The following PAM variants were observed in gnomAD, a reference collection of about 807,000 sequenced individuals.
PAM encodes peptidyl-glycine alpha-amidating monooxygenase.
PAM carries 72 observed loss-of-function variants against 122.1 expected under a neutral mutation model. That is an observed-to-expected ratio of 0.59 (90% CI 0.49 to 0.72). The LOEUF (loss-of-function observed/expected upper bound fraction) is 0.72, where lower values mean the gene tolerates loss of function less well. Ranked by LOEUF, PAM falls within the 30% of genes least tolerant of loss-of-function variation. The probability of loss-of-function intolerance (pLI) is 0.00; values close to 1 mark genes in which losing one functional copy is unlikely to be tolerated. For missense variants in PAM, 1,106 were observed against 1,183.7 expected, an observed-to-expected ratio of 0.93 and a Z score of 0.96; for synonymous variants, 389 against 404.4, an observed-to-expected ratio of 0.96 and a Z score of 0.46.
At chr5:102,943,102 G>GA (rs1755835031) in intron 7 of PAM, among the ~76,000 whole-genome samples, 3 of 152,154 alleles carry the variant, frequency 2.0e-5, no homozygotes, top group Non-Finnish European at 4.4e-5. Context: ...CAATTAGTGG[G>GA]ACGTAGTTTA....
Position 102,867,400 on chromosome 5 carries a change from G to A in PAM, c.210+7G>A. On this transcript the variant is annotated splice_region_variant and intron_variant, in intron 3 of 25. Coordinates refer to ENST00000438793, the MANE Select transcript of PAM (RefSeq NM_001177306.2). ...TGGGGTTACACCTAAACAGGTGAGAGGAATTTTGTCTTTCATTATTCACTT... is the reference window on the plus strand; with the variant it reads ...TGGGGTTACACCTAAACAGGTGAGAAGAATTTTGTCTTTCATTATTCACTT... The A allele has an allele frequency of 6.2e-7, 1 of 1,601,638 alleles. No homozygotes were observed. Among genetic ancestry groups the A allele is most frequent in the Non-Finnish European group, 8.5e-7 (1 of 1,170,932 alleles).
At chr5:102,903,806 T>C (rs962360871) in intron 4 of PAM, among the ~76,000 whole-genome samples, 1 of 151,542 alleles carries the variant, frequency 6.6e-6, no homozygotes, top group African/African-American at 2.4e-5. Flanking sequence ...TGAGCAAAGT[T>C]ATCAAGTGCA....
intron 25 of PAM, 59 bp downstream of exon 25, chr5:103,028,297 C>T: frequency 8.4e-7 from 1 of 1,192,448 alleles, no homozygotes; most frequent in Non-Finnish European, 1.2e-6. Flanking sequence ...AAGCACATGT[C>T]TTTTAAAAAG....
chr5:102,873,920 G>A (rs1436069642), intron 3 of PAM: 1 of 152,044 alleles, frequency 6.6e-6, no homozygotes, highest in African/African-American at 2.4e-5. Context: ...CCTATTGAAG[G>A]AGGCATATTG....
chr5:102,884,656 C>T (rs1048446079), intron 3 of PAM, among the ~76,000 whole-genome samples: 1 of 151,806 alleles, frequency 6.6e-6, no homozygotes, highest in Admixed American at 6.6e-5. Context: ...TTTCAATAAC[C>T]CTCTTCAAGA....
chr5:102,765,487 C>T (rs993106779), intron 1 of PAM, among the ~76,000 whole-genome samples: 2 of 152,142 alleles, frequency 1.3e-5, no homozygotes, highest in Admixed American at 6.5e-5. Context: ...AGTGTAGAGT[C>T]ATGTAAGTGT....
intron 4 of PAM, among the ~76,000 whole-genome samples, 186 bp from the exon 5 acceptor site, chr5:102,913,748 T>C (rs1184009445): frequency 2.0e-5 from 3 of 152,046 alleles, no homozygotes; most frequent in African/African-American, 7.2e-5. Flanking sequence ...CTTTTTACTC[T>C]TAATCAAATT....
intron 3 of PAM, among the ~76,000 whole-genome samples, chr5:102,899,734 G>A (rs771523451): frequency 1.3e-5 from 2 of 151,656 alleles, no homozygotes; most frequent in African/African-American, 4.8e-5. Context: ...ATTTTATTCA[G>A]TAGTTACTAT....
At chr5:102,769,533 G>A (rs1361135483) in intron 1 of PAM, among the ~76,000 whole-genome samples, 2 of 152,054 alleles carry the variant, frequency 1.3e-5, no homozygotes, top group Admixed American at 6.6e-5. Context: ...TTTTGTATAT[G>A]GTAAGAGATA....
At chr5:102,960,518 T>C (rs1004277240) in intron 13 of PAM, among the ~76,000 whole-genome samples, 1 of 152,008 alleles carries the variant, frequency 6.6e-6, no homozygotes, top group Non-Finnish European at 1.5e-5. Context: ...AATTATTGAT[T>C]TGTGAAGCAT....
intron 1 of PAM, among the ~76,000 whole-genome samples, chr5:102,764,061 T>C (rs1753177351): frequency 6.6e-6 from 1 of 152,050 alleles, no homozygotes; most frequent in African/African-American, 2.4e-5. Flanking sequence ...AGATCGAAAG[T>C]GTTTTGGGGG....
chr5:103,015,352 T>C (rs372346335), intron 21 of PAM, among the ~76,000 whole-genome samples: 15 of 152,136 alleles, frequency 9.9e-5, no homozygotes, highest in African/African-American at 3.6e-4. Flanking sequence ...TAAAATAAAA[T>C]ACAAGATTTT....
intron 18 of PAM, among the ~76,000 whole-genome samples, chr5:103,005,481 G>T (rs1048672777): frequency 2.6e-5 from 4 of 152,176 alleles, no homozygotes; most frequent in Non-Finnish European, 4.4e-5. Context: ...TGCCAGCATG[G>T]TTGAGTTCTA....
intron 1 of PAM, among the ~76,000 whole-genome samples, chr5:102,830,908 T>C (rs1453700907): frequency 6.6e-6 from 1 of 152,338 alleles, no homozygotes; most frequent in East Asian, 1.9e-4. Flanking sequence ...TTGTTTTGTT[T>C]TGTTTTTGGT....
intron 3 of PAM, among the ~76,000 whole-genome samples, chr5:102,892,602 C>G (rs1339583262): frequency 1.3e-5 from 2 of 151,838 alleles, no homozygotes; most frequent in Non-Finnish European, 2.9e-5. Context: ...TAAACACTTT[C>G]ATAGCCATAA....
At chr5:102,782,554 A>G (rs1342390448) in intron 1 of PAM, among the ~76,000 whole-genome samples, 1 of 152,198 alleles carries the variant, frequency 6.6e-6, no homozygotes, top group Non-Finnish European at 1.5e-5. Flanking sequence ...AGTACATGCA[A>G]ATCTTTCAAA....
chr5:103,008,105 GATAA>G lies in PAM; in HGVS notation c.2215+453_2215+456del, dbSNP rs200169905. The stretch of plus-strand genomic sequence containing the variant: ...AGTGTGGCTTATGCCTAAATACCAG[GATAA>G]ATAATCAATAAAATCTTGAACTTTT... On this transcript the variant is annotated intron_variant, in intron 20 of 25. Transcript: ENST00000438793. Among the ~76,000 whole-genome samples the G allele has an allele frequency of 5.9e-3, 902 of 151,812 alleles. 8 individuals are homozygous for G. The highest frequency in any genetic ancestry group is 0.021 in the African/African-American group (858 of 41,416).
intron 1 of PAM, among the ~76,000 whole-genome samples, chr5:102,836,035 T>C (rs1452134713): frequency 6.6e-6 from 1 of 152,184 alleles, no homozygotes; most frequent in African/African-American, 2.4e-5. Flanking sequence ...TTGCCATTTG[T>C]CTGGGAGATT....
At chr5:102,869,483 C>A (rs906450581) in intron 3 of PAM, among the ~76,000 whole-genome samples, 2 of 152,188 alleles carry the variant, frequency 1.3e-5, no homozygotes, top group African/African-American at 4.8e-5. Flanking sequence ...GTCTTACTTG[C>A]AACTGAAACT....
Sources: allele counts gnomAD v4.1 joint callset (sites outside exome capture counted in the v4.1 genomes callset), GRCh38; gene constraint gnomAD v4.1.1; transcripts MANE v1.5; gene names NCBI Gene and HGNC (gene_info 2026-07-23, HGNC 2026-07-21).